The following CCDC192 variants were observed in gnomAD, a reference collection of about 807,000 sequenced individuals.
The protein encoded by CCDC192 is coiled-coil domain containing 192.
intron 5 of CCDC192, among the ~76,000 whole-genome samples, chr5:127,802,294 A>T (rs1001769297): frequency 6.6e-6 from 1 of 152,142 alleles, no homozygotes; most frequent in African/African-American, 2.4e-5. Context: ...TTTTATTCTG[A>T]TCATGTCATT....
rs115367194 is a variant in CCDC192 at position 127,891,354 on chromosome 5, G to A, written c.535+15693G>A. Among the ~76,000 whole-genome samples, 579 of 152,226 alleles carry A rather than the reference G, an allele frequency of 3.8e-3. 3 individuals are homozygous for A. Among genetic ancestry groups the A allele is most frequent in the African/African-American group, 0.013 (545 of 41,554 alleles). ...CAGGTGTGCACCACTGTGCCCAGCC[G>A]AAAATGACCTTACTTATGACTCATT... On this transcript the variant is annotated intron_variant, in intron 6 of 6. Coordinates refer to ENST00000514853, the MANE Select transcript of CCDC192 (RefSeq NM_001317938.2).
chr5:127,817,567 T>C (rs1007708415), intron 5 of CCDC192, among the ~76,000 whole-genome samples: 2 of 152,164 alleles, frequency 1.3e-5, no homozygotes, highest in Non-Finnish European at 2.9e-5. Context: ...ATTCCATTGA[T>C]TGAAAATGTC....
intron 5 of CCDC192, among the ~76,000 whole-genome samples, chr5:127,808,038 T>A (rs1403750893): frequency 6.6e-6 from 1 of 152,184 alleles, no homozygotes; most frequent in Non-Finnish European, 1.5e-5. Context: ...TGAGGACATT[T>A]ATTATTCTAT....
intron 2 of CCDC192, among the ~76,000 whole-genome samples, chr5:127,727,234 G>A (rs114787427): frequency 4.9e-4 from 74 of 152,254 alleles, no homozygotes; most frequent in African/African-American, 1.8e-3. Flanking sequence ...CACTTTGGGA[G>A]GCCACGAGGC....
chr5:127,740,211 GCA>G (rs1753331790), intron 2 of CCDC192: 1 of 152,194 alleles, frequency 6.6e-6, no homozygotes, highest in African/African-American at 2.4e-5. Flanking sequence ...AAACTGAGGT[GCA>G]CTGAGTAGCT....
At chr5:127,757,798 A>ACACACACACT (rs1491447075) in intron 3 of CCDC192, among the ~76,000 whole-genome samples, 70 of 117,364 alleles carry the variant, frequency 6.0e-4, no homozygotes, top group African/African-American at 2.4e-3. Context: ...ACACACACAC[A>ACACACACACT]CTCTCTCTCT....
chr5:127,872,248 T>G (rs572216373), intron 5 of CCDC192, among the ~76,000 whole-genome samples: 1 of 152,162 alleles, frequency 6.6e-6, no homozygotes, highest in Non-Finnish European at 1.5e-5. Flanking sequence ...CCAATCTAAG[T>G]CTTTTATCCA....
chr5:127,720,401 C>A (rs1221672750), intron 2 of CCDC192, among the ~76,000 whole-genome samples: 1 of 152,228 alleles, frequency 6.6e-6, no homozygotes, highest in African/African-American at 2.4e-5. Context: ...TGGGCAGAAT[C>A]CCAAGGCCTT....
At chr5:127,883,353 C>G (rs186613326) in intron 6 of CCDC192, among the ~76,000 whole-genome samples, 1 of 152,206 alleles carries the variant, frequency 6.6e-6, no homozygotes, top group East Asian at 1.9e-4. Context: ...CAGCAATTAA[C>G]AGTGGGAAAA....
chr5:127,707,578 G>A lies in CCDC192; in HGVS notation c.63-131G>A, dbSNP rs192297364. On this transcript the variant is annotated intron_variant, in intron 1 of 6. Transcript: ENST00000514853. ...AAATGTCCAGAAATTGACATTTGGA[G>A]GAAATACTTTAGAAAATTTATTTTA... The A allele has an allele frequency of 8.9e-5, 34 of 381,332 alleles. No homozygotes were observed. The East Asian group carries it at 1.2e-3, about 13-fold the overall frequency. The allele number at this position is 381,332 out of a possible 1,614,324, so 23.6% of individuals were successfully genotyped here. A position where few individuals can be genotyped will look rare whatever the true frequency, so the allele number is the denominator to read the frequency against.
chr5:127,752,269 G>C (rs1461037528), intron 2 of CCDC192, among the ~76,000 whole-genome samples: 4 of 152,156 alleles, frequency 2.6e-5, no homozygotes, highest in Non-Finnish European at 5.9e-5. Context: ...CTTTGATGAT[G>C]GTGATGTTCA....
At chr5:127,727,089 T>C (rs1005840223) in intron 2 of CCDC192, among the ~76,000 whole-genome samples, 1 of 152,084 alleles carries the variant, frequency 6.6e-6, no homozygotes, top group Admixed American at 6.5e-5. Flanking sequence ...TGGTGACACC[T>C]CCAAGTGTGG....
At chr5:127,890,760 A>G (rs1752708524) in intron 6 of CCDC192, among the ~76,000 whole-genome samples, 1 of 152,124 alleles carries the variant, frequency 6.6e-6, no homozygotes, top group African/African-American at 2.4e-5. Flanking sequence ...TGGCCTCAAC[A>G]CTTATTTCTA....
intron 6 of CCDC192, among the ~76,000 whole-genome samples, chr5:127,898,361 A>G (rs1752950984): frequency 2.0e-5 from 3 of 152,126 alleles, no homozygotes; most frequent in Admixed American, 6.5e-5. Flanking sequence ...CGCCCACCTC[A>G]GCATCCGAAA....
intron 6 of CCDC192, among the ~76,000 whole-genome samples, chr5:127,904,128 TGCA>T (rs1753133539): frequency 6.6e-6 from 1 of 152,162 alleles, no homozygotes; most frequent in Non-Finnish European, 1.5e-5. Flanking sequence ...GCCAGAGAGA[TGCA>T]GCATTACTGT....
intron 6 of CCDC192, among the ~76,000 whole-genome samples, chr5:127,885,088 C>G (rs936248269): frequency 6.8e-6 from 1 of 146,646 alleles, no homozygotes; most frequent in African/African-American, 2.6e-5. Flanking sequence ...CTGTCCATTC[C>G]TTAGGAATGG....
At chr5:127,738,930 G>T (rs1049340139) in intron 2 of CCDC192, among the ~76,000 whole-genome samples, 1 of 151,744 alleles carries the variant, frequency 6.6e-6, no homozygotes, top group Non-Finnish European at 1.5e-5. Flanking sequence ...CCCTCAGCTC[G>T]TCAAAGTCAT....
intron 3 of CCDC192, among the ~76,000 whole-genome samples, chr5:127,779,565 G>T (rs1756071183): frequency 6.6e-6 from 1 of 152,118 alleles, no homozygotes; most frequent in Admixed American, 6.6e-5. Flanking sequence ...AAAGTGCTGG[G>T]ATTACAGGCA....
At chr5:127,748,521 TA>T (rs1390527381) in intron 2 of CCDC192, among the ~76,000 whole-genome samples, 1 of 136,706 alleles carries the variant, frequency 7.3e-6, no homozygotes, top group Non-Finnish European at 1.6e-5. Flanking sequence ...CCTTGTAGTA[TA>T]GTTTGAAGTC....
Sources: gnomAD v4.1 joint callset for allele counts (sites outside exome capture counted in the v4.1 genomes callset) on GRCh38, gnomAD v4.1.1 for gene constraint, MANE v1.5 for transcripts, NCBI Gene and HGNC (gene_info 2026-07-23, HGNC 2026-07-21) for gene names.